KIF26B: variants seen among roughly 807,000 people sequenced by gnomAD.
KIF26B encodes kinesin family member 26B.
A neutral mutation model predicts 151.2 loss-of-function variants in KIF26B; 63 were observed. The observed-to-expected ratio is 0.42, with a 90% CI of 0.34 to 0.51. KIF26B has a LOEUF of 0.51. Among genes scored for constraint, KIF26B ranks in the 20% least tolerant of loss-of-function variants. The probability of loss-of-function intolerance (pLI) is 0.07; values close to 1 mark genes in which losing one functional copy is unlikely to be tolerated. For synonymous variants in KIF26B, 1,357 were observed against 1,262.1 expected (o/e 1.08, Z -1.59); for missense variants, 2,813 against 2,913.6 (o/e 0.97, Z 0.79).
chr1:245,179,522 G>C (rs546738219), intron 2 of KIF26B, among the ~76,000 whole-genome samples: 4 of 152,276 alleles, frequency 2.6e-5, no homozygotes, highest in African/African-American at 9.6e-5. Flanking sequence ...TACTCGGGAG[G>C]CTGAGGCAGG....
chr1:245,634,357 G>C (rs540915062), intron 9 of KIF26B, among the ~76,000 whole-genome samples: 150 of 152,280 alleles, frequency 9.9e-4, no homozygotes, highest in African/African-American at 3.5e-3. Context: ...AGGACTTCCA[G>C]TATAATGTTA....
intron 4 of KIF26B, among the ~76,000 whole-genome samples, chr1:245,499,499 A>G (rs1366221384): frequency 2.0e-5 from 3 of 152,194 alleles, no homozygotes; most frequent in African/African-American, 7.2e-5. Context: ...ATCTGATTTT[A>G]TTATTCCGGG....
intron 10 of KIF26B, among the ~76,000 whole-genome samples, chr1:245,665,934 G>A (rs1476049306): frequency 6.6e-6 from 1 of 150,572 alleles, no homozygotes; most frequent in African/African-American, 2.4e-5. Flanking sequence ...ATCCACCCGC[G>A]GTCAGCCTCC....
intron 4 of KIF26B, among the ~76,000 whole-genome samples, chr1:245,449,215 C>A (rs763519106): frequency 2.0e-5 from 3 of 152,194 alleles, no homozygotes; most frequent in Non-Finnish European, 4.4e-5. Context: ...ATTGAGCTCT[C>A]TATATCCCGA....
At chr1:245,515,845 T>G (rs12240116) in intron 4 of KIF26B, among the ~76,000 whole-genome samples, 37,763 of 152,026 alleles carry the variant, frequency 0.25, 5,731 homozygotes, top group East Asian at 0.49. Context: ...ACTCGGCTTG[T>G]CCCAGGGTAT....
rs1371577069 is a variant in KIF26B, at chr1:245,699,184, C to T, written c.6178+147C>T. The T allele has an allele frequency of 6.2e-6, 5 of 810,608 alleles. No homozygotes were observed. In the Admixed American group the frequency reaches 8.1e-5, roughly 13 times the overall value. The allele number at this position is 810,608 out of a possible 1,614,324, so 50.2% of individuals were successfully genotyped here. A position where few individuals can be genotyped will look rare whatever the true frequency, so the allele number is the denominator to read the frequency against. Reference sequence around the variant, plus strand: ...ATCAAATGGAGGAAGTTGCACCGAGCGAGCAGCCCTACTCCCCTGGGGATG... The same window carrying T: ...ATCAAATGGAGGAAGTTGCACCGAGTGAGCAGCCCTACTCCCCTGGGGATG... On this transcript the variant is annotated intron_variant, in intron 14 of 14. Coordinates refer to ENST00000407071, the MANE Select transcript of KIF26B (RefSeq NM_018012.4).
At chr1:245,582,734 GC>G (rs954907836) in intron 5 of KIF26B, among the ~76,000 whole-genome samples, 1 of 152,160 alleles carries the variant, frequency 6.6e-6, no homozygotes, top group African/African-American at 2.4e-5. Context: ...TCTGCCACCT[GC>G]TTTTTGTGAG....
chr1:245,248,130 T>TC (rs1451627944), intron 2 of KIF26B, among the ~76,000 whole-genome samples: 2 of 151,516 alleles, frequency 1.3e-5, no homozygotes, highest in East Asian at 1.9e-4. Flanking sequence ...TTTTTTTTTT[T>TC]CCCTCGGTGT....
chr1:245,669,901 A>G (rs1485159886), intron 10 of KIF26B, among the ~76,000 whole-genome samples: 1 of 152,188 alleles, frequency 6.6e-6, no homozygotes, highest in Non-Finnish European at 1.5e-5. Context: ...GGAAAGCCAC[A>G]TTCCTATGTT....
rs557904951 is a variant in KIF26B at position 245,619,624 on chromosome 1, A to G, written c.2098+7648A>G. ...GTTTCAAAAAAAAAAAAAAAAAAAG[A>G]ATCTCTGGGCTGGGCGTGGTGGCTC... On this transcript the variant is annotated intron_variant, in intron 9 of 14. Transcript: ENST00000407071. Among the ~76,000 whole-genome samples, 649 of 138,514 alleles carry G rather than the reference A, an allele frequency of 4.7e-3. 6 individuals carry two copies. Among genetic ancestry groups the G allele is most frequent in the African/African-American group, 0.016 (626 of 38,554 alleles). The allele number at this position is 138,514 out of a possible 152,430, so 90.9% of individuals were successfully genotyped here. A position where few individuals can be genotyped will look rare whatever the true frequency, so the allele number is the denominator to read the frequency against.
rs1231685858 is a variant in KIF26B, at chr1:245,563,093, T to G, written c.1350+22143T>G. Among the ~76,000 whole-genome samples, 1 of 152,156 alleles carries G rather than the reference T, an allele frequency of 6.6e-6. No homozygotes were observed. Among genetic ancestry groups the G allele is most frequent in the Non-Finnish European group, 1.5e-5 (1 of 68,026 alleles). On this transcript the variant is annotated intron_variant, in intron 5 of 14. Coordinates refer to ENST00000407071, the MANE Select transcript of KIF26B (RefSeq NM_018012.4). The surrounding 1 kb of genome is among the most constrained non-coding windows in gnomAD (Gnocchi z 4.6). ...AGCCGGCACTTAGTACATGTTTGTT[T>G]GGGGAATGAATGTGAGGTCACTAGT... is the stretch of plus-strand genomic sequence containing the variant.
chr1:245,438,142 G>C (rs1658979037), intron 4 of KIF26B, among the ~76,000 whole-genome samples: 1 of 152,124 alleles, frequency 6.6e-6, no homozygotes. Context: ...ACCCCAGCTG[G>C]TCTGTTGGAT....
chr1:245,238,553 A>T (rs1558357312), intron 2 of KIF26B, among the ~76,000 whole-genome samples: 1 of 151,426 alleles, frequency 6.6e-6, no homozygotes. Context: ...AAAGTCCTCA[A>T]TTTTTTTTAT....
intron 2 of KIF26B, among the ~76,000 whole-genome samples, chr1:245,348,599 C>T (rs879615601): frequency 3.7e-4 from 57 of 152,268 alleles, no homozygotes; most frequent in Admixed American, 7.2e-4. Context: ...TAATGTCATT[C>T]CTAATGACTC....
intron 2 of KIF26B, among the ~76,000 whole-genome samples, chr1:245,215,662 T>C (rs1453082295): frequency 6.6e-6 from 1 of 152,242 alleles, no homozygotes; most frequent in Admixed American, 6.5e-5. Context: ...GAAGCTGGTC[T>C]CTGCTCCTGA....
At chr1:245,194,464 C>A (rs1444108641) in intron 2 of KIF26B, among the ~76,000 whole-genome samples, 1 of 152,164 alleles carries the variant, frequency 6.6e-6, no homozygotes, top group East Asian at 1.9e-4. Context: ...CTCACTGCAA[C>A]CCCTTGGGTT....
Position 245,363,879 on chromosome 1 carries a change from C to T in KIF26B, c.466-2955C>T, listed in dbSNP as rs192004439. ...TGTGCTGAATGGCTCTGTTGGTGCT[C>T]GCTGGGCTTGCTTTGGCTGGCACAG... On this transcript the variant is annotated intron_variant, in intron 2 of 14. Transcript: ENST00000407071. Among the ~76,000 whole-genome samples the T allele has an allele frequency of 5.1e-4, 78 of 152,212 alleles. No homozygotes were observed. In the Middle Eastern group the frequency reaches 0.014, roughly 27 times the overall value.
chr1:245,708,207 G>A lies in KIF26B; in HGVS notation c.*5601G>A, dbSNP rs958329808. 3 of 152,244 alleles carry A rather than the reference G, an allele frequency of 2.0e-5. No homozygotes were observed. Among genetic ancestry groups the A allele is most frequent in the Non-Finnish European group, 4.4e-5 (3 of 68,060 alleles). The allele number at this position is 152,244 out of a possible 1,614,324, so 9.4% of individuals were successfully genotyped here. On this transcript the variant is annotated 3_prime_UTR_variant, in exon 15 of 15. Transcript: ENST00000407071. Reference sequence around the variant, plus strand: ...TTCCCGAGTGGAAGACTGGGGGTCAGAACAGCTGCCCTTCTGGGAGAGCAT... The same window carrying A: ...TTCCCGAGTGGAAGACTGGGGGTCAAAACAGCTGCCCTTCTGGGAGAGCAT...
intron 4 of KIF26B, among the ~76,000 whole-genome samples, chr1:245,503,586 T>C (rs1660668614): frequency 6.6e-6 from 1 of 152,258 alleles, no homozygotes; most frequent in Non-Finnish European, 1.5e-5. Context: ...TCGGTTCTTT[T>C]GAGAGGGATA....
Sources: allele counts gnomAD v4.1 joint callset (sites outside exome capture counted in the v4.1 genomes callset), GRCh38; gene constraint gnomAD v4.1.1; non-coding constraint Gnocchi (gnomAD v3.1); transcripts MANE v1.5; gene names NCBI Gene and HGNC (gene_info 2026-07-23, HGNC 2026-07-21).